LFNG: variants seen among roughly 807,000 people sequenced by gnomAD.
LFNG encodes the protein LFNG O-fucosylpeptide 3-beta-N-acetylglucosaminyltransferase.
A neutral mutation model predicts 32.7 loss-of-function variants in LFNG; 15 were observed. The observed-to-expected ratio is 0.46, with a 90% CI of 0.31 to 0.71. The LOEUF is 0.71. Ranked by LOEUF, LFNG falls within the 30% of genes least tolerant of loss-of-function variation. LFNG has a pLI of 0.06. For synonymous variants in LFNG, 274 were observed against 246.8 expected (o/e 1.11, Z -1.03); for missense variants, 520 against 545.7 (o/e 0.95, Z 0.47).
chr7:2,528,131 G>A lies in LFNG; in HGVS notation c.*919G>A. ...TCTTTTCTGTGGATCAGAAAAAACA[G>A]AAGCCAAACTCGGGGTCATCTTTGT... is the stretch of plus-strand genomic sequence containing the variant. On this transcript the variant is annotated 3_prime_UTR_variant, in exon 8 of 8. Coordinates refer to ENST00000222725, the MANE Select transcript of LFNG (RefSeq NM_001040167.2). The A allele has an allele frequency of 1.0e-6, 1 of 985,492 alleles. No homozygotes were observed. The allele number at this position is 985,492 out of a possible 1,614,324, so 61.0% of individuals were successfully genotyped here. A position where few individuals can be genotyped will look rare whatever the true frequency, so the allele number is the denominator to read the frequency against.
upstream of LFNG, chr7:2,513,212 A>G: frequency 6.2e-7 from 1 of 1,613,064 alleles, no homozygotes; most frequent in Non-Finnish European, 8.5e-7. Flanking sequence ...GGATGAGCAC[A>G]TGAAATGGAT....
chr7:2,526,025 T>C lies in LFNG; in HGVS notation c.822-219T>C, dbSNP rs1352495061. Among the ~76,000 whole-genome samples, 3 of 152,082 alleles carry C rather than the reference T, an allele frequency of 2.0e-5. No homozygotes were observed. Among genetic ancestry groups the C allele is most frequent in the Non-Finnish European group, 4.4e-5 (3 of 67,964 alleles). On this transcript the variant is annotated intron_variant, in intron 5 of 7. Transcript: ENST00000222725. The surrounding 1 kb of genome is among the most constrained non-coding windows in gnomAD (Gnocchi z 6.9). ...GGCACCATCCGGCAGGACTCTTCCCTGCACCCAGATTCCCTCCACAGAGAG... is the reference window on the plus strand; with the variant it reads ...GGCACCATCCGGCAGGACTCTTCCCCGCACCCAGATTCCCTCCACAGAGAG...
chr7:2,513,142 A>C (rs1562547681), upstream of LFNG: 2 of 1,601,292 alleles, frequency 1.2e-6, no homozygotes, highest in Admixed American at 3.4e-5. Context: ...ATCCTCACCT[A>C]CTACCTTCCC....
At chr7:2,517,188 G>T (rs1779648028), upstream of LFNG, among the ~76,000 whole-genome samples, 1 of 152,174 alleles carries the variant, frequency 6.6e-6, no homozygotes, top group Non-Finnish European at 1.5e-5. Context: ...AGCGGGCGGG[G>T]GTGGCTAGGC....
upstream of LFNG, among the ~76,000 whole-genome samples, chr7:2,513,528 T>G (rs553466701): frequency 6.6e-6 from 1 of 152,286 alleles, no homozygotes; most frequent in South Asian, 2.1e-4. Flanking sequence ...GGGCCAAGAC[T>G]GACCCCTGCT....
rs1779949786 is a variant in LFNG at position 2,525,729 on chromosome 7, C to T, written c.780C>T (p.Cys260=). The T allele has an allele frequency of 6.2e-7, 1 of 1,612,700 alleles. No individual in the cohort carries two copies. The highest frequency in any genetic ancestry group is 1.3e-5 in the African/African-American group (1 of 74,948). The part of the protein sequence containing the change: ...FWFATGGAGF[C]ISRGLALKMS... ...TTGCCACGGGCGGCGCTGGCTTCTG[C>T]ATCAGCCGTGGGCTGGCTCTGAAGA... Residue 260 remains cysteine, a synonymous_variant, in exon 5 of 8, where the codon TGC becomes TGT. Transcript: ENST00000222725.
chr7:2,520,122 T>G lies in LFNG; in HGVS notation c.261T>G (p.Asp87Glu). The G allele has an allele frequency of 3.0e-6, 4 of 1,351,864 alleles. No homozygotes were observed. The South Asian group carries it at 7.3e-5, about 25-fold the overall frequency. 83.7% of individuals were successfully genotyped at this position (1,351,864 alleles called of 1,614,324 possible). Residue 87 changes from aspartate (D) to glutamate (E), a missense_variant, in exon 1 of 8, where the codon GAT becomes GAG. Asp to Glu is a conservative substitution (Grantham distance 45). Coordinates refer to ENST00000222725, the MANE Select transcript of LFNG (RefSeq NM_001040167.2). This position sits in a 1 kb window ranked among gnomAD's most constrained non-coding sequence, Gnocchi z 5.0. The part of the protein sequence containing the change: ...YFSLLTRARR[D>E]AGPPPGAAPR... ...GCCTGCTCACCCGCGCGCGCAGAGA[T>G]GCGGGCCCGCCGCCCGGGGCTGCCC... is the stretch of plus-strand genomic sequence containing the variant.
chr7:2,519,587 C>A (rs576576622), upstream of LFNG, among the ~76,000 whole-genome samples: 939 of 150,212 alleles, frequency 6.3e-3, 8 homozygotes, highest in African/African-American at 0.021. Flanking sequence ...CGTGCACGTG[C>A]GCGCCGGGGG....
chr7:2,525,723 C>G lies in LFNG; in HGVS notation c.774C>G (p.Gly258=). The change falls in exon 5 of 8, where the codon GGC becomes GGG. Residue 258 remains glycine, a synonymous_variant. Coordinates refer to ENST00000222725, the MANE Select transcript of LFNG (RefSeq NM_001040167.2). Reference sequence around the variant, plus strand: ...TCTGGTTTGCCACGGGCGGCGCTGGCTTCTGCATCAGCCGTGGGCTGGCTC... The same window carrying G: ...TCTGGTTTGCCACGGGCGGCGCTGGGTTCTGCATCAGCCGTGGGCTGGCTC... The part of the protein sequence containing the change: ...VHFWFATGGA[G]FCISRGLALK... The G allele has an allele frequency of 1.9e-6, 3 of 1,612,932 alleles. No homozygotes were observed. Among genetic ancestry groups the G allele is most frequent in the Non-Finnish European group, 2.5e-6 (3 of 1,180,010 alleles).
At chr7:2,524,380 G>A (rs1426670173) in intron 1 of LFNG, among the ~76,000 whole-genome samples, 2 of 152,192 alleles carry the variant, frequency 1.3e-5, no homozygotes, top group Non-Finnish European at 2.9e-5. Context: ...CTGGCGGGCG[G>A]GCGAGGCGCA....
chr7:2,512,878 A>G (rs946737108), upstream of LFNG, among the ~76,000 whole-genome samples: 33 of 151,256 alleles, frequency 2.2e-4, no homozygotes, highest in African/African-American at 8.0e-4. Flanking sequence ...GTGCCTGACC[A>G]CACAACCTCC....
chr7:2,523,831 C>G (rs992235082), intron 1 of LFNG: 1 of 152,456 alleles, frequency 6.6e-6, no homozygotes, highest in Non-Finnish European at 1.5e-5. Flanking sequence ...TTTCCTGCCA[C>G]AACCCTGCTG....
chr7:2,518,074 T>A, upstream of LFNG: 1 of 354,818 alleles, frequency 2.8e-6, no homozygotes, highest in Non-Finnish European at 4.6e-6. Flanking sequence ...GCGGTGTGAC[T>A]GAAGCACGTG....
At position 2,525,327 on chromosome 7, in the gene LFNG, G is replaced by T. The variant is rs202046384; in HGVS notation, c.581+9G>T. 1.2e-4 allele frequency: 199 copies of T among 1,612,486 alleles called. No individual in the cohort carries two copies. Among genetic ancestry groups the T allele is most frequent in the Non-Finnish European group, 1.5e-4 (179 of 1,179,646 alleles). ...ATCGAGTCCGGCAGGAAGTGAGTGT[G>T]GCCCCGGGGGACCCCCATCTCCCTG... On this transcript the variant is annotated intron_variant, in intron 3 of 7. Transcript: ENST00000222725.
In LFNG at chr7:2,526,249, G is replaced by T. The variant is rs202096815; in HGVS notation, c.827G>T (p.Gly276Val). ...TGGGCCCTTCCCTCCCGCAGCGGGG[G>T]TCACTTCATGAATACGGCTGAGCGG... is the stretch of plus-strand genomic sequence containing the variant. ...ALKMSPWASG[G>V]HFMNTAERIR... is the part of the protein sequence containing the mutation. Residue 276 changes from glycine to valine, a missense_variant, in exon 6 of 8, where the codon GGT (glycine) becomes GTT (valine). This residue lies in a region of LFNG where 150 missense variants were observed against 159.9 expected (regional missense o/e 0.94). Transcript: ENST00000222725. This position sits in a 1 kb window ranked among gnomAD's most constrained non-coding sequence, Gnocchi z 6.9. 1.9e-6 allele frequency: 3 copies of T among 1,612,966 alleles called. No individual in the cohort carries two copies. The highest frequency in any genetic ancestry group is 1.3e-5 in the African/African-American group (1 of 75,054).
Position 2,526,152 on chromosome 7 carries a change from G to GA in LFNG, c.822-92_822-91insA. 1 of 1,404,846 alleles carries GA rather than the reference G, an allele frequency of 7.1e-7. No individual in the cohort carries two copies. Among genetic ancestry groups the GA allele is most frequent in the South Asian group, 1.2e-5 (1 of 84,728 alleles). The allele number at this position is 1,404,846 out of a possible 1,614,324, so 87.0% of individuals were successfully genotyped here. Reference sequence around the variant, plus strand: ...CTCTCCTCAGGGCTCCTCTCCCTGAGGAGTGCAGCGCCTTTGCCTGGTGGG... The same window carrying GA: ...CTCTCCTCAGGGCTCCTCTCCCTGAGAGAGTGCAGCGCCTTTGCCTGGTGGG... On this transcript the variant is annotated intron_variant, in intron 5 of 7. Coordinates refer to ENST00000222725, the MANE Select transcript of LFNG (RefSeq NM_001040167.2). The surrounding 1 kb of genome is among the most constrained non-coding windows in gnomAD (Gnocchi z 6.9).
At chr7:2,522,020 G>A (rs1439993139) in intron 1 of LFNG, among the ~76,000 whole-genome samples, 1 of 152,176 alleles carries the variant, frequency 6.6e-6, no homozygotes, top group African/African-American at 2.4e-5. Context: ...ACCCCCTTGT[G>A]GTGGGTGATG....
chr7:2,516,514 A>T (rs532726561), upstream of LFNG, among the ~76,000 whole-genome samples: 2 of 152,212 alleles, frequency 1.3e-5, no homozygotes, highest in Non-Finnish European at 2.9e-5. Flanking sequence ...CACTGACTCC[A>T]GCAGGAGAAC....
chr7:2,516,161 C>T (rs1376796048), upstream of LFNG, among the ~76,000 whole-genome samples: 7 of 152,324 alleles, frequency 4.6e-5, no homozygotes, highest in South Asian at 2.1e-4. Flanking sequence ...CAGGCTTGCC[C>T]GAGCCACAGC....
Sources: allele counts gnomAD v4.1 joint callset (sites outside exome capture counted in the v4.1 genomes callset), GRCh38; gene constraint gnomAD v4.1.1; regional missense constraint gnomAD v4.1.1; non-coding constraint Gnocchi (gnomAD v3.1); transcripts MANE v1.5; gene names NCBI Gene and HGNC (gene_info 2026-07-23, HGNC 2026-07-21).